BCL7C: variants seen among roughly 807,000 people sequenced by gnomAD.
BCL7C encodes BAF chromatin remodeling complex subunit BCL7C.
BCL7C carries 8 observed loss-of-function variants against 26.2 expected under a neutral mutation model. The observed-to-expected ratio is 0.30, with a 90% CI of 0.18 to 0.55. The LOEUF is 0.55. Ranked by LOEUF, BCL7C falls within the 20% of genes least tolerant of loss-of-function variation. The pLI is 0.93. For synonymous variants in BCL7C, 90 were observed against 116.5 expected (o/e 0.77, Z 1.47); for missense variants, 262 against 298.5 (o/e 0.88, Z 0.90).
rs918153276 is a variant in BCL7C, at chr16:30,834,822, C to T, written c.*126G>A. 6 of 985,124 alleles carry T rather than the reference C, an allele frequency of 6.1e-6. No individual in the cohort carries two copies. In the African/African-American group the frequency reaches 6.6e-5, roughly 11 times the overall value. 61.0% of individuals were successfully genotyped at this position (985,124 alleles called of 1,614,324 possible). On this transcript the variant is annotated 3_prime_UTR_variant, in exon 6 of 6. Transcript: ENST00000380317. This position sits in a 1 kb window ranked among gnomAD's most constrained non-coding sequence, Gnocchi z 4.3. ...AGGTTCGGGCAGGTGTGGGGCCGCT[C>T]GCCCTCCGATGTTACCGCGGTGGGT...
chr16:30,859,572 G>T (rs1045728992), intron 5 of BCL7C, among the ~76,000 whole-genome samples: 2 of 152,066 alleles, frequency 1.3e-5, no homozygotes, highest in South Asian at 4.1e-4. Flanking sequence ...AACTGATGAC[G>T]TTCCACCATT....
At chr16:30,840,773 T>C (rs1024600914) in intron 5 of BCL7C, 1 of 152,102 alleles carries the variant, frequency 6.6e-6, no homozygotes, top group Non-Finnish European at 1.5e-5. Flanking sequence ...CTTGTTCACA[T>C]GGTGGGAATA....
chr16:30,834,830 G>A lies in BCL7C; in HGVS notation c.*118C>T, dbSNP rs1399617461. 8.4e-6 allele frequency: 9 copies of A among 1,074,924 alleles called. No homozygotes were observed. Among genetic ancestry groups the A allele is most frequent in the South Asian group, 1.7e-5 (1 of 58,858 alleles). The allele number at this position is 1,074,924 out of a possible 1,614,324, so 66.6% of individuals were successfully genotyped here. A position where few individuals can be genotyped will look rare whatever the true frequency, so the allele number is the denominator to read the frequency against. On this transcript the variant is annotated 3_prime_UTR_variant, in exon 6 of 6. Transcript: ENST00000380317. The surrounding 1 kb of genome is among the most constrained non-coding windows in gnomAD (Gnocchi z 4.3). ...GCAGGTGTGGGGCCGCTCGCCCTCC[G>A]ATGTTACCGCGGTGGGTGAGCTGGG...
At chr16:30,844,208 G>A (rs1271994178) in intron 5 of BCL7C, among the ~76,000 whole-genome samples, 3 of 151,252 alleles carry the variant, frequency 2.0e-5, no homozygotes, top group Non-Finnish European at 2.9e-5. Flanking sequence ...AAATTAGCTG[G>A]GCGTGGTGGT....
intron 5 of BCL7C, among the ~76,000 whole-genome samples, chr16:30,864,347 T>A (rs1256035778): frequency 6.6e-6 from 1 of 152,172 alleles, no homozygotes; most frequent in African/African-American, 2.4e-5. Context: ...CTTTAATACC[T>A]ATTTTTCTCC....
At chr16:30,852,772 A>C (rs1005869952) in intron 5 of BCL7C, among the ~76,000 whole-genome samples, 2 of 151,984 alleles carry the variant, frequency 1.3e-5, no homozygotes, top group South Asian at 2.1e-4. Context: ...AATTACATGC[A>C]TGAGCCACCT....
At chr16:30,856,712 G>A (rs550958255) in intron 5 of BCL7C, among the ~76,000 whole-genome samples, 1 of 152,260 alleles carries the variant, frequency 6.6e-6, no homozygotes, top group East Asian at 1.9e-4. Context: ...GGGGCTCTAT[G>A]TGTGTGTCTC....
intron 5 of BCL7C, among the ~76,000 whole-genome samples, chr16:30,840,176 G>T (rs1337189326): frequency 6.7e-6 from 1 of 149,678 alleles, no homozygotes. Context: ...TGTTGCCTAA[G>T]AACTTAGGTT....
At chr16:30,890,017 C>A (rs558953335) in intron 4 of BCL7C, among the ~76,000 whole-genome samples, 1 of 151,308 alleles carries the variant, frequency 6.6e-6, no homozygotes. Context: ...CCAGCTGGAA[C>A]CAAAAACGGG....
At chr16:30,890,714 G>T (rs1048730723) in intron 4 of BCL7C, among the ~76,000 whole-genome samples, 3 of 152,158 alleles carry the variant, frequency 2.0e-5, no homozygotes, top group Admixed American at 2.0e-4. Context: ...GGCCAGGCAC[G>T]GTGGCTCACG....
In BCL7C at chr16:30,893,811, G is replaced by T; in HGVS notation, c.92+42C>A. 1 of 1,569,490 alleles carries T rather than the reference G, an allele frequency of 6.4e-7. No homozygotes were observed. The highest frequency in any genetic ancestry group is 1.1e-5 in the South Asian group (1 of 90,158). On this transcript the variant is annotated intron_variant, in intron 1 of 5. Transcript: ENST00000215115. This position sits in a 1 kb window ranked among gnomAD's most constrained non-coding sequence, Gnocchi z 5.2. ...CAGCGTAGACGCCTTTGGTGCTGGT[G>T]GTCCCGCTGTGTCCCGTCCCTGGCC...
chr16:30,847,609 A>G (rs1375795762), intron 5 of BCL7C, among the ~76,000 whole-genome samples: 2 of 152,126 alleles, frequency 1.3e-5, no homozygotes, highest in Non-Finnish European at 2.9e-5. Context: ...CAGCCTGTCC[A>G]ACATGGTGAA....
intron 5 of BCL7C, among the ~76,000 whole-genome samples, chr16:30,854,238 G>A (rs1335048922): frequency 6.6e-6 from 1 of 152,180 alleles, no homozygotes; most frequent in East Asian, 1.9e-4. Flanking sequence ...GAGGATGTAT[G>A]GGAGCCTTAT....
At chr16:30,878,373 A>C (rs1433583285) in intron 5 of BCL7C, among the ~76,000 whole-genome samples, 1 of 128,518 alleles carries the variant, frequency 7.8e-6, no homozygotes, top group Non-Finnish European at 1.8e-5. Flanking sequence ...TACTAAAAAT[A>C]AAAAAATTTA....
intron 5 of BCL7C, among the ~76,000 whole-genome samples, chr16:30,835,864 T>A (rs762865564): frequency 1.3e-5 from 2 of 150,084 alleles, no homozygotes; most frequent in South Asian, 2.1e-4. Context: ...AAAGAAAAAA[T>A]TTTTTTAGCA....
At chr16:30,873,508 T>C (rs1013764356) in intron 5 of BCL7C, among the ~76,000 whole-genome samples, 1 of 151,996 alleles carries the variant, frequency 6.6e-6, no homozygotes, top group African/African-American at 2.4e-5. Context: ...ATGGGTGAGT[T>C]GTATGGTGTG....
At position 30,892,539 on chromosome 16, in the gene BCL7C, A is replaced by G. The variant is rs757265131; in HGVS notation, c.442+47T>C. On this transcript the variant is annotated intron_variant, in intron 4 of 5. Transcript: ENST00000215115. ...TGAGCTGGTAGGTTAGACTCTGGAG[A>G]AGACAGGACTTAGAGGAGAGAGCTC... The G allele has an allele frequency of 9.9e-6, 15 of 1,514,894 alleles. No individual in the cohort carries two copies. In the African/African-American group the frequency reaches 2.0e-4, roughly 20 times the overall value. 93.8% of individuals were successfully genotyped at this position (1,514,894 alleles called of 1,614,324 possible).
intron 4 of BCL7C, among the ~76,000 whole-genome samples, chr16:30,889,239 G>A (rs1345436690): frequency 1.3e-5 from 2 of 152,062 alleles, no homozygotes; most frequent in Non-Finnish European, 2.9e-5. Context: ...CCTGACCTTG[G>A]GCCAGCTACT....
At position 30,834,874 on chromosome 16, in the gene BCL7C, G is replaced by A. The variant is rs2054559976; in HGVS notation, c.*74C>T. ...AGCTGGGAAGCTCTTTCCGCCCTCG[G>A]GGCACAGGTAGTGGCTGGATCTTGG... is the stretch of plus-strand genomic sequence containing the variant. On this transcript the variant is annotated 3_prime_UTR_variant, in exon 6 of 6. Transcript: ENST00000380317. This position sits in a 1 kb window ranked among gnomAD's most constrained non-coding sequence, Gnocchi z 4.3. The A allele has an allele frequency of 3.6e-6, 5 of 1,388,722 alleles. No homozygotes were observed. Among genetic ancestry groups the A allele is most frequent in the Admixed American group, 2.9e-5 (1 of 34,422 alleles). The allele number at this position is 1,388,722 out of a possible 1,614,324, so 86.0% of individuals were successfully genotyped here. A position where few individuals can be genotyped will look rare whatever the true frequency, so the allele number is the denominator to read the frequency against.
Sources: allele counts gnomAD v4.1 joint callset (sites outside exome capture counted in the v4.1 genomes callset), GRCh38; gene constraint gnomAD v4.1.1; non-coding constraint Gnocchi (gnomAD v3.1); transcripts MANE v1.5; gene names NCBI Gene and HGNC (gene_info 2026-07-23, HGNC 2026-07-21).